TMX4: variants seen among roughly 807,000 people sequenced by gnomAD.
The protein encoded by TMX4 is thioredoxin-related transmembrane protein 4.
Under a neutral mutation model 33.3 loss-of-function variants are expected in TMX4, and 23 were observed. That is an observed-to-expected ratio of 0.69 (90% confidence interval 0.50 to 0.98). The LOEUF is 0.98. Among genes scored for constraint, TMX4 ranks in the 50% least tolerant of loss-of-function variants. The pLI is 0.00. For missense variants in TMX4, 399 were observed against 448.9 expected (o/e 0.89, Z 1.01); for synonymous variants, 164 against 161.5 (o/e 1.02, Z -0.12).
At chr20:7,983,674 G>T in intron 7 of TMX4, 120 bp downstream of exon 7, 1 of 606,348 alleles carries the variant, frequency 1.6e-6, no homozygotes, top group Non-Finnish European at 2.7e-6. Flanking sequence ...TAAGAAATTT[G>T]GTAGTGATTA....
At chr20:8,006,565 G>A (rs1350951500) in intron 2 of TMX4, among the ~76,000 whole-genome samples, 2 of 152,096 alleles carry the variant, frequency 1.3e-5, no homozygotes, top group African/African-American at 2.4e-5. Context: ...CATTCAAGAC[G>A]TTAGTGTTTG....
chr20:7,987,685 C>T (rs761503959), intron 5 of TMX4, among the ~76,000 whole-genome samples: 4 of 152,070 alleles, frequency 2.6e-5, no homozygotes, highest in Non-Finnish European at 5.9e-5. Context: ...CCCTCCTCCC[C>T]TAATAATTAT....
At chr20:8,010,346 A>C in intron 1 of TMX4, 31 bp from the exon 2 acceptor site, 7 of 1,383,264 alleles carry the variant, frequency 5.1e-6, no homozygotes, top group Non-Finnish European at 7.0e-6. Context: ...TTATATTGAT[A>C]AATATACAGA....
intron 1 of TMX4, among the ~76,000 whole-genome samples, chr20:8,018,491 A>C (rs865967448): frequency 2.3e-5 from 1 of 44,110 alleles, no homozygotes; most frequent in Non-Finnish European, 3.7e-5. Flanking sequence ...GGAGAGAGAG[A>C]GAGAGAGAGA....
At chr20:7,985,596 A>G (rs1416982928) in intron 6 of TMX4, among the ~76,000 whole-genome samples, 1 of 152,030 alleles carries the variant, frequency 6.6e-6, no homozygotes, top group Non-Finnish European at 1.5e-5. Context: ...TTGAACACAG[A>G]TATGTGTTTG....
intron 2 of TMX4, among the ~76,000 whole-genome samples, chr20:8,001,921 A>G (rs904340820): frequency 3.3e-5 from 5 of 152,194 alleles, no homozygotes; most frequent in African/African-American, 1.2e-4. Context: ...TAATGGTTCT[A>G]AAGTTAGATT....
intron 2 of TMX4, among the ~76,000 whole-genome samples, chr20:8,002,957 T>C (rs2050713546): frequency 6.6e-6 from 1 of 152,158 alleles, no homozygotes; most frequent in African/African-American, 2.4e-5. Flanking sequence ...AAAAAAAGTT[T>C]TGTCACCAGT....
At chr20:7,989,001 C>T (rs1043792610) in intron 5 of TMX4, among the ~76,000 whole-genome samples, 14 of 148,522 alleles carry the variant, frequency 9.4e-5, no homozygotes, top group Non-Finnish European at 1.6e-4. Context: ...GCCTGGGTGA[C>T]AGGGCAAGAC....
At chr20:8,016,967 T>G (rs538408351) in intron 1 of TMX4, among the ~76,000 whole-genome samples, 1 of 146,188 alleles carries the variant, frequency 6.8e-6, no homozygotes, top group African/African-American at 2.6e-5. Flanking sequence ...TAATGCATTT[T>G]GTTTTTCTCT....
In TMX4 at chr20:8,018,521, A is replaced by T. The variant is rs865828544; in HGVS notation, c.176+917T>A. On this transcript the variant is annotated intron_variant, in intron 1 of 7. Transcript: ENST00000246024. Reference sequence around the variant, plus strand: ...GAGAGAGAGAGAGAGAGAGAGAGAGAGAGAGAGTCTGCAAGCCCACCATGA... The same window carrying T: ...GAGAGAGAGAGAGAGAGAGAGAGAGTGAGAGAGTCTGCAAGCCCACCATGA... Among the ~76,000 whole-genome samples, 403 of 42,108 alleles carry T rather than the reference A, an allele frequency of 9.6e-3. 104 individuals carry two copies. The East Asian group carries it at 0.2, about 21-fold the overall frequency. The allele number at this position is 42,108 out of a possible 152,430, so 27.6% of individuals were successfully genotyped here. A position where few individuals can be genotyped will look rare whatever the true frequency, so the allele number is the denominator to read the frequency against.
chr20:8,007,739 T>C (rs1344898385), intron 2 of TMX4, among the ~76,000 whole-genome samples: 1 of 152,146 alleles, frequency 6.6e-6, no homozygotes, highest in Non-Finnish European at 1.5e-5. Context: ...TTTTTGAAAT[T>C]TACTTCCTCA....
intron 2 of TMX4, among the ~76,000 whole-genome samples, chr20:8,008,042 A>G (rs182062121): frequency 2.6e-5 from 4 of 152,358 alleles, no homozygotes; most frequent in Admixed American, 2.6e-4. Flanking sequence ...AAACTCAAAT[A>G]CTTGTTGAAT....
In TMX4 at chr20:8,019,576, A is replaced by G. The variant is rs2122893850; in HGVS notation, c.38T>C (p.Leu13Pro). Residue 13 changes from leucine to proline, a missense_variant, in exon 1 of 8, where the codon CTC becomes CCC. Physicochemically the swap from Leu to Pro is moderately conservative, Grantham distance 98. Coordinates refer to ENST00000246024, the MANE Select transcript of TMX4 (RefSeq NM_021156.4). Reference protein sequence around the residue: ...GGRCGPQLTALLAAWIAAVAA... With the variant: ...GGRCGPQLTAPLAAWIAAVAA... ...CACAGCCGCGATCCAGGCGGCCAGGAGCGCCGTTAGCTGCGGGCCGCAGCG... is the reference window on the plus strand; with the variant it reads ...CACAGCCGCGATCCAGGCGGCCAGGGGCGCCGTTAGCTGCGGGCCGCAGCG... The G allele has an allele frequency of 7.2e-7, 1 of 1,389,634 alleles. No individual in the cohort carries two copies. Among genetic ancestry groups the G allele is most frequent in the South Asian group, 1.7e-5 (1 of 60,022 alleles). 86.1% of individuals were successfully genotyped at this position (1,389,634 alleles called of 1,614,324 possible).
At chr20:8,013,369 C>A (rs914800082) in intron 1 of TMX4, among the ~76,000 whole-genome samples, 11 of 152,270 alleles carry the variant, frequency 7.2e-5, no homozygotes, top group South Asian at 6.2e-4. Flanking sequence ...AAATTGTTAT[C>A]TTTTCTACTG....
chr20:8,002,170 T>C (rs1344848448), intron 2 of TMX4, among the ~76,000 whole-genome samples: 1 of 152,180 alleles, frequency 6.6e-6, no homozygotes, highest in African/African-American at 2.4e-5. Flanking sequence ...TAAGTACATA[T>C]CAAATGCTAT....
intron 2 of TMX4, 35 bp from the exon 3 acceptor site, chr20:8,001,576 TA>T: frequency 6.4e-7 from 1 of 1,574,078 alleles, no homozygotes; most frequent in Non-Finnish European, 8.6e-7. Flanking sequence ...AAGTTACACT[TA>T]AGTCCTCCAA....
intron 1 of TMX4, among the ~76,000 whole-genome samples, chr20:8,012,566 T>C (rs1186052892): frequency 6.6e-6 from 1 of 152,096 alleles, no homozygotes; most frequent in Admixed American, 6.6e-5. Context: ...AAAGAAGTTA[T>C]AAGAAAGTAA....
chr20:7,987,161 G>A, intron 6 of TMX4, 127 bp downstream of exon 6: 1 of 657,034 alleles, frequency 1.5e-6, no homozygotes. Context: ...ACAAGCAAAT[G>A]CTATTTAACT....
rs780286388 is a variant in TMX4 at position 8,001,486 on chromosome 20, T to G, written c.338+10A>C. On this transcript the variant is annotated intron_variant, in intron 3 of 7. Transcript: ENST00000246024. ...AATATTTGCAAGATTAGAAGATTAT[T>G]TAAACTTACTGAAAAAATGCTGGGA... 71 of 1,588,482 alleles carry G rather than the reference T, an allele frequency of 4.5e-5. No homozygotes were observed. Among genetic ancestry groups the G allele is most frequent in the Non-Finnish European group, 5.3e-5 (62 of 1,164,674 alleles).
Sources: allele counts gnomAD v4.1 joint callset (sites outside exome capture counted in the v4.1 genomes callset), GRCh38; gene constraint gnomAD v4.1.1; transcripts MANE v1.5; gene names NCBI Gene and HGNC (gene_info 2026-07-23, HGNC 2026-07-21).